RALGAPA1: variants seen among roughly 807,000 people sequenced by gnomAD.
RALGAPA1 encodes the protein ral GTPase-activating protein subunit alpha-1.
Under a neutral mutation model 269.6 loss-of-function variants are expected in RALGAPA1, and 52 were observed. That is an observed-to-expected ratio of 0.19 (90% CI 0.15 to 0.24). The LOEUF (loss-of-function observed/expected upper bound fraction) is 0.24. Among genes scored for constraint, RALGAPA1 ranks in the 10% least tolerant of loss-of-function variants. RALGAPA1 has a pLI of 1.00. For synonymous variants in RALGAPA1, 817 were observed against 1,008.3 expected, an observed-to-expected ratio of 0.81 and a Z score of 3.60; for missense variants, 1,917 against 3,013.9, an observed-to-expected ratio of 0.64 and a Z score of 8.52.
intron 1 of RALGAPA1, among the ~76,000 whole-genome samples, chr14:35,791,616 A>C (rs1385757038): frequency 1.3e-5 from 2 of 151,828 alleles, no homozygotes; most frequent in Non-Finnish European, 2.9e-5. Context: ...TCAAAAAAAA[A>C]AAAGTATGGG....
chr14:35,652,093 T>G (rs1173919913), intron 30 of RALGAPA1, among the ~76,000 whole-genome samples: 3 of 151,970 alleles, frequency 2.0e-5, no homozygotes, highest in Non-Finnish European at 4.4e-5. Context: ...GAACCAAAAT[T>G]ATACATATTC....
intron 1 of RALGAPA1, among the ~76,000 whole-genome samples, chr14:35,797,351 C>CAAAAAAAAAAAAAAAAAAAAAAA (rs530576211): frequency 6.7e-5 from 4 of 60,130 alleles, no homozygotes; most frequent in Admixed American, 1.9e-4. Flanking sequence ...GACTCCGTCT[C>CAAAAAAAAAAAAAAAAAAAAAAA]AAAAAAAAAA....
At chr14:35,707,775 A>G (rs1043768462) in intron 16 of RALGAPA1, among the ~76,000 whole-genome samples, 14 of 152,204 alleles carry the variant, frequency 9.2e-5, no homozygotes, top group African/African-American at 3.4e-4. Flanking sequence ...AATTTCATTA[A>G]TACATACCAG....
chr14:35,695,733 T>C (rs1463430168), intron 17 of RALGAPA1, among the ~76,000 whole-genome samples: 2 of 152,246 alleles, frequency 1.3e-5, no homozygotes, highest in Admixed American at 6.5e-5. Context: ...TATATACTTT[T>C]ATATTCCTTT....
chr14:35,694,384 T>A (rs2066736228), intron 17 of RALGAPA1, among the ~76,000 whole-genome samples: 1 of 152,158 alleles, frequency 6.6e-6, no homozygotes, highest in Admixed American at 6.5e-5. Flanking sequence ...TAAGTTTTTG[T>A]CTATTTGGGC....
intron 20 of RALGAPA1, among the ~76,000 whole-genome samples, 191 bp from the exon 21 acceptor site, chr14:35,684,176 T>G (rs1425786017): frequency 6.6e-6 from 1 of 152,170 alleles, no homozygotes; most frequent in East Asian, 1.9e-4. Context: ...GTACAAGCCA[T>G]GAAGGGAGGA....
chr14:35,739,325 C>T (rs2071336279), intron 11 of RALGAPA1, among the ~76,000 whole-genome samples: 1 of 152,110 alleles, frequency 6.6e-6, no homozygotes, highest in East Asian at 1.9e-4. Context: ...TTGTAATATG[C>T]AAAAGGTTTA....
chr14:35,720,048 G>C lies in RALGAPA1; in HGVS notation c.2266+1640C>G, dbSNP rs1428595243. On this transcript the variant is annotated intron_variant, in intron 16 of 41. Transcript: ENST00000680220. ...ATTACAGGCGTAAGCCACCGCGCCC[G>C]GCCAACAATTCTTAATACACAAATA... Among the ~76,000 whole-genome samples the C allele has an allele frequency of 2.6e-5, 4 of 152,224 alleles. No homozygotes were observed. In the East Asian group the frequency reaches 7.7e-4, roughly 29 times the overall value.
chr14:35,779,255 G>T (rs981513993), intron 1 of RALGAPA1, among the ~76,000 whole-genome samples: 3 of 152,134 alleles, frequency 2.0e-5, no homozygotes, highest in Non-Finnish European at 2.9e-5. Flanking sequence ...GCTGGGCAAG[G>T]TGGTTGACAT....
chr14:35,557,741 G>T (rs2055767385), intron 39 of RALGAPA1, among the ~76,000 whole-genome samples: 1 of 152,094 alleles, frequency 6.6e-6, no homozygotes, highest in Non-Finnish European at 1.5e-5. Context: ...AAATTTTACA[G>T]ATTTACTGAT....
intron 33 of RALGAPA1, among the ~76,000 whole-genome samples, chr14:35,630,622 T>C (rs1437923530): frequency 6.6e-6 from 1 of 150,978 alleles, no homozygotes; most frequent in Non-Finnish European, 1.5e-5. Context: ...TGGCTGGGTG[T>C]GGTGGCTCAC....
intron 1 of RALGAPA1, among the ~76,000 whole-genome samples, chr14:35,790,741 A>G (rs1042394116): frequency 4.6e-5 from 7 of 151,890 alleles, no homozygotes; most frequent in African/African-American, 1.5e-4. Context: ...ATTGTTCAGC[A>G]GAGAAATTCA....
chr14:35,746,594 G>C (rs1595409295), intron 10 of RALGAPA1, among the ~76,000 whole-genome samples: 1 of 152,186 alleles, frequency 6.6e-6, no homozygotes, highest in East Asian at 1.9e-4. Context: ...AGAAGTGTTT[G>C]ATACCAACAT....
intron 41 of RALGAPA1, chr14:35,542,080 T>C (rs2054061216): frequency 2.0e-6 from 2 of 1,017,418 alleles, no homozygotes; most frequent in East Asian, 5.9e-5. Flanking sequence ...AAAAGGTCTA[T>C]GAGAGATTCT....
chr14:35,735,798 A>T (rs761686751), intron 12 of RALGAPA1, among the ~76,000 whole-genome samples: 11 of 152,182 alleles, frequency 7.2e-5, no homozygotes, highest in African/African-American at 1.4e-4. Flanking sequence ...TCAAATGCAA[A>T]TTTTTTAACA....
At chr14:35,703,012 AG>A (rs2067499341) in intron 16 of RALGAPA1, among the ~76,000 whole-genome samples, 1 of 152,168 alleles carries the variant, frequency 6.6e-6, no homozygotes, top group Non-Finnish European at 1.5e-5. Context: ...ATAAATTATA[AG>A]TTTTTCTTTT....
In RALGAPA1 at chr14:35,742,499, T is replaced by C. The variant is rs1385818689; in HGVS notation, c.1318A>G (p.Ile440Val). 2.2e-5 allele frequency: 36 copies of C among 1,602,854 alleles called. No individual in the cohort carries two copies. Among genetic ancestry groups the C allele is most frequent in the Non-Finnish European group, 2.9e-5 (34 of 1,170,290 alleles). ...AACAAAGGTTTTTCCTCTTGTTGGA[T>C]CCATTCTTGATATACTTTTACCACT... ...RKVVKVYQEWIQQEEKPLFMQ... is the reference protein window; with the variant it reads ...RKVVKVYQEWVQQEEKPLFMQ... Residue 440 changes from isoleucine (I) to valine (V), a missense_variant, in exon 11 of 42, where the codon ATC (isoleucine) becomes GTC (valine). This residue lies in a region of RALGAPA1 where 462 missense variants were observed against 725.6 expected (regional missense o/e 0.64). Coordinates refer to ENST00000680220, the MANE Select transcript of RALGAPA1 (RefSeq NM_001346249.2).
chr14:35,671,165 T>TA (rs1210835371), intron 26 of RALGAPA1, among the ~76,000 whole-genome samples: 3 of 152,316 alleles, frequency 2.0e-5, no homozygotes, highest in Admixed American at 2.0e-4. Context: ...TCCGTTTCTT[T>TA]AGATTTCCTC....
intron 12 of RALGAPA1, among the ~76,000 whole-genome samples, chr14:35,731,251 A>G (rs1288827263): frequency 6.6e-6 from 1 of 152,182 alleles, no homozygotes; most frequent in East Asian, 1.9e-4. Flanking sequence ...TCAGCCTTAG[A>G]CCTTCCCTCT....
Sources: allele counts gnomAD v4.1 joint callset (sites outside exome capture counted in the v4.1 genomes callset), GRCh38; gene constraint gnomAD v4.1.1; regional missense constraint gnomAD v4.1.1; transcripts MANE v1.5; gene names NCBI Gene and HGNC (gene_info 2026-07-23, HGNC 2026-07-21).